Variants in PRKCQ observed in about 807,000 individuals in gnomAD.
The protein encoded by PRKCQ is protein kinase C theta type.
In PRKCQ, 41 loss-of-function variants were observed where a neutral mutation model predicts 91.2. That is an observed-to-expected ratio of 0.45 (90% CI 0.35 to 0.58). PRKCQ has a LOEUF of 0.58. Ranked by LOEUF, PRKCQ falls within the 20% of genes least tolerant of loss-of-function variation. The pLI, the probability that PRKCQ is intolerant of heterozygous loss-of-function variation, is 0.00. For missense variants in PRKCQ, 673 were observed against 896.5 expected (o/e 0.75, Z 3.18); for synonymous variants, 307 against 316.9 (o/e 0.97, Z 0.33).
chr10:6,488,479 G>A (rs749130859), intron 8 of PRKCQ, among the ~76,000 whole-genome samples: 11 of 151,304 alleles, frequency 7.3e-5, no homozygotes, highest in Non-Finnish European at 1.6e-4. Flanking sequence ...TCGGCCTCCC[G>A]GATTCAAGAG....
chr10:6,543,150 C>G (rs1405808204), intron 1 of PRKCQ, among the ~76,000 whole-genome samples: 1 of 152,222 alleles, frequency 6.6e-6, no homozygotes, highest in African/African-American at 2.4e-5. Flanking sequence ...CACCACTGTC[C>G]TTTGAAGTCG....
At chr10:6,477,793 G>A (rs1267437845) in intron 12 of PRKCQ, among the ~76,000 whole-genome samples, 3 of 152,174 alleles carry the variant, frequency 2.0e-5, no homozygotes, top group Admixed American at 6.5e-5. Context: ...ACTTGAACCC[G>A]GGAGGCGGAG....
intron 12 of PRKCQ, among the ~76,000 whole-genome samples, chr10:6,470,674 A>G (rs1408232355): frequency 6.6e-6 from 1 of 152,164 alleles, no homozygotes; most frequent in East Asian, 1.9e-4. Context: ...GCAGAGGCCA[A>G]GCGCGGTGGC....
chr10:6,419,049 CTCTA>C, the PRKCQ span, among the ~76,000 whole-genome samples: 64 of 151,930 alleles, frequency 4.2e-4, no homozygotes, highest in Middle Eastern at 3.4e-3. Context: ...ATCCATCTAT[CTCTA>C]TCTATGTATC....
At chr10:6,424,297 A>G (rs1833067670), downstream of PRKCQ, among the ~76,000 whole-genome samples, 1 of 152,118 alleles carries the variant, frequency 6.6e-6, no homozygotes, top group Non-Finnish European at 1.5e-5. Flanking sequence ...TACATGTGCA[A>G]TGCCATGAAT....
At chr10:6,472,367 CTGAG>C (rs1421500873) in intron 12 of PRKCQ, among the ~76,000 whole-genome samples, 1 of 152,162 alleles carries the variant, frequency 6.6e-6, no homozygotes, top group Non-Finnish European at 1.5e-5. Flanking sequence ...TTCAGATGCA[CTGAG>C]TGAGTGTCTT....
intron 1 of PRKCQ, among the ~76,000 whole-genome samples, chr10:6,572,704 T>C (rs1841089701): frequency 6.6e-6 from 1 of 152,246 alleles, no homozygotes; most frequent in African/African-American, 2.4e-5. Context: ...CGTGTGCATG[T>C]ATCTTTATAA....
rs1212066756 is a variant in PRKCQ at position 6,442,126 on chromosome 10, G to A, written c.1648-45C>T. The A allele has an allele frequency of 3.2e-6, 5 of 1,573,138 alleles. No homozygotes were observed. In the South Asian group the frequency reaches 3.4e-5, roughly 11 times the overall value. ...ACAGGAAATTAACAGGAATGAGGCT[G>A]AGGAGTGACAACTCTTCCTGAGCGT... is the stretch of plus-strand genomic sequence containing the variant. On this transcript the variant is annotated intron_variant, in intron 15 of 17. Transcript: ENST00000263125.
chr10:6,429,871 A>ACTCCT, intron 17 of PRKCQ, among the ~76,000 whole-genome samples: 1 of 152,092 alleles, frequency 6.6e-6, no homozygotes, highest in South Asian at 2.1e-4. Flanking sequence ...TTTGAACTAC[A>ACTCCT]GGCATGCACC....
chr10:6,496,668 T>TC (rs1827392056), intron 7 of PRKCQ, among the ~76,000 whole-genome samples: 1 of 152,026 alleles, frequency 6.6e-6, no homozygotes, highest in South Asian at 2.1e-4. Context: ...AGTGCAGATT[T>TC]CTTTTTTTTT....
At chr10:6,447,690 T>C (rs688391) in intron 15 of PRKCQ, among the ~76,000 whole-genome samples, 57,644 of 151,970 alleles carry the variant, frequency 0.38, 11,243 homozygotes, top group East Asian at 0.51. Flanking sequence ...ACAGGAACGA[T>C]GGGTGCCTGC....
chr10:6,555,102 C>T (rs1056273364), intron 1 of PRKCQ, among the ~76,000 whole-genome samples: 10 of 150,494 alleles, frequency 6.6e-5, no homozygotes, highest in Non-Finnish European at 1.3e-4. Flanking sequence ...ATAAAGATGG[C>T]AACGATAGAT....
chr10:6,488,448 C>T (rs1021358843), intron 8 of PRKCQ, among the ~76,000 whole-genome samples: 3 of 150,996 alleles, frequency 2.0e-5, no homozygotes, highest in East Asian at 2.0e-4. Context: ...TGCAGTGGCA[C>T]GATTTTGGCT....
At chr10:6,488,590 G>T (rs911930220) in intron 8 of PRKCQ, among the ~76,000 whole-genome samples, 3 of 152,006 alleles carry the variant, frequency 2.0e-5, no homozygotes, top group Admixed American at 1.3e-4. Flanking sequence ...CGCCATGTTG[G>T]CCAGGCTGGT....
rs1240911026 is a variant in PRKCQ at position 6,464,209 on chromosome 10, C to T, written c.1445+104G>A. 5.2e-6 allele frequency: 5 copies of T among 961,988 alleles called. No individual in the cohort carries two copies. In the Admixed American group the frequency reaches 1.1e-4, roughly 21 times the overall value. The allele number at this position is 961,988 out of a possible 1,614,324, so 59.6% of individuals were successfully genotyped here. A position where few individuals can be genotyped will look rare whatever the true frequency, so the allele number is the denominator to read the frequency against. On this transcript the variant is annotated intron_variant, in intron 13 of 17. Transcript: ENST00000263125. ...GCTCGATGTATTCCCAAGGGTTCAC[C>T]TGGCCCTGGGATTCAGGCATGCCAA...
At chr10:6,494,252 C>A (rs768615768) in intron 7 of PRKCQ, among the ~76,000 whole-genome samples, 2 of 152,202 alleles carry the variant, frequency 1.3e-5, no homozygotes. Flanking sequence ...AGGGACCAGT[C>A]TCCACCAGAG....
intron 7 of PRKCQ, 131 bp from the exon 8 acceptor site, chr10:6,491,943 ATTGTCAC>A (rs2130804194): frequency 7.6e-7 from 1 of 1,321,454 alleles, no homozygotes; most frequent in East Asian, 2.3e-5. Flanking sequence ...TTAAACCATC[ATTGTCAC>A]TTGTCAAGCC....
intron 1 of PRKCQ, among the ~76,000 whole-genome samples, chr10:6,556,796 C>A (rs1210068469): frequency 2.6e-5 from 4 of 152,204 alleles, no homozygotes; most frequent in Admixed American, 1.3e-4. Context: ...ATTTCCTAAA[C>A]GGGCTGTCCC....
intron 4 of PRKCQ, among the ~76,000 whole-genome samples, chr10:6,501,368 G>A (rs1837902592): frequency 6.6e-6 from 1 of 152,068 alleles, no homozygotes; most frequent in African/African-American, 2.4e-5. Context: ...GCAGAGAGAA[G>A]GAAGAGTTGA....
Sources: allele counts gnomAD v4.1 joint callset (sites outside exome capture counted in the v4.1 genomes callset), GRCh38; gene constraint gnomAD v4.1.1; transcripts MANE v1.5; gene names NCBI Gene and HGNC (gene_info 2026-07-23, HGNC 2026-07-21).